CACNA1S: variants seen among roughly 807,000 people sequenced by gnomAD.
CACNA1S encodes calcium voltage-gated channel subunit alpha1 S, also known as voltage-dependent L-type calcium channel subunit alpha-1S.
CACNA1S carries 126 observed loss-of-function variants against 207.4 expected under a neutral mutation model. That is an observed-to-expected ratio of 0.61 (90% CI 0.53 to 0.70). The LOEUF (loss-of-function observed/expected upper bound fraction) is 0.70, where lower values mean the gene tolerates loss of function less well. Ranked by LOEUF, CACNA1S falls within the 30% of genes least tolerant of loss-of-function variation. The probability of loss-of-function intolerance (pLI) is 0.00; values close to 1 mark genes in which losing one functional copy is unlikely to be tolerated. For synonymous variants in CACNA1S, 960 were observed against 932.7 expected, an observed-to-expected ratio of 1.03 and a Z score of -0.53; for missense variants, 2,349 against 2,422.8, an observed-to-expected ratio of 0.97 and a Z score of 0.64.
chr1:201,055,582 AT>A (rs1466273362), intron 28 of CACNA1S, among the ~76,000 whole-genome samples: 3 of 152,188 alleles, frequency 2.0e-5, no homozygotes, highest in Non-Finnish European at 4.4e-5. Context: ...AAAACCAGAA[AT>A]TTGGTTCCTC....
At chr1:201,040,514 G>C in intron 42 of CACNA1S, 108 bp downstream of exon 42, 1 of 1,402,328 alleles carries the variant, frequency 7.1e-7, no homozygotes, top group South Asian at 1.2e-5. Flanking sequence ...CTTCTGTACT[G>C]TTGGACACAT....
Position 201,077,077 on chromosome 1 carries a change from C to A in CACNA1S, c.1670G>T (p.Arg557Leu). 2 of 1,614,172 alleles carry A rather than the reference C, an allele frequency of 1.2e-6. No homozygotes were observed. Among genetic ancestry groups the A allele is most frequent in the Non-Finnish European group, 1.7e-6 (2 of 1,180,032 alleles). ...NLVASLLNSI[R>L]SIASLLLLLF... Reference sequence around the variant, plus strand: ...CAGCAGCAGCAGGGAGGCGATGGAGCGGATGGAGTTGAGCAGGGATGCCAC... The same window carrying A: ...CAGCAGCAGCAGGGAGGCGATGGAGAGGATGGAGTTGAGCAGGGATGCCAC... The change falls in exon 12 of 44, where the codon CGC becomes CTC. Residue 557 changes from arginine to leucine, a missense_variant. Coordinates refer to ENST00000362061, the MANE Select transcript of CACNA1S (RefSeq NM_000069.3).
intron 9 of CACNA1S, among the ~76,000 whole-genome samples, chr1:201,084,399 T>G (rs1193977561): frequency 6.6e-6 from 1 of 152,202 alleles, no homozygotes; most frequent in Non-Finnish European, 1.5e-5. Context: ...ACTGGAGACC[T>G]TCATCTTTTC....
intron 2 of CACNA1S, among the ~76,000 whole-genome samples, chr1:201,096,555 G>A (rs1434343233): frequency 6.6e-6 from 1 of 152,212 alleles, no homozygotes; most frequent in African/African-American, 2.4e-5. Context: ...CTAATTTCCT[G>A]TGACACCCCC....
rs186279844 is a variant in CACNA1S at position 201,089,614 on chromosome 1, C to T, written c.695-151G>A. On this transcript the variant is annotated intron_variant, in intron 5 of 43. Coordinates refer to ENST00000362061, the MANE Select transcript of CACNA1S (RefSeq NM_000069.3). The stretch of plus-strand genomic sequence containing the variant: ...AAAAGACAGCTTCACATGGAGCAGA[C>T]GGTGACAGTGAAGAGGAATGCCTTG... 4.2e-5 allele frequency: 33 copies of T among 782,838 alleles called. 1 individual carries two copies. The highest frequency in any genetic ancestry group is 1.0e-4 in the Admixed American group (5 of 48,910). The allele number at this position is 782,838 out of a possible 1,614,324, so 48.5% of individuals were successfully genotyped here. A position where few individuals can be genotyped will look rare whatever the true frequency, so the allele number is the denominator to read the frequency against.
Position 201,093,897 on chromosome 1 carries a change from G to C in CACNA1S, c.383C>G (p.Thr128Ser), listed in dbSNP as rs139491817. 638 of 1,614,168 alleles carry C rather than the reference G, an allele frequency of 4.0e-4. 4 individuals carry two copies. In the African/African-American group the frequency reaches 7.6e-3, roughly 19 times the overall value. The stretch of plus-strand genomic sequence containing the variant: ...CAGCTCTCACCCCAGGAAGACAATG[G>C]TGAAGTCCAGCACATTCCAGCCACT... ...LRSGWNVLDF[T>S]IVFLGVFTVI... is the part of the protein sequence containing the mutation. Residue 128 changes from threonine to serine, a missense_variant, in exon 3 of 44, where the codon ACC becomes AGC. By Grantham distance (58) the Thr-to-Ser change is moderately conservative (BLOSUM62 1). Coordinates refer to ENST00000362061, the MANE Select transcript of CACNA1S (RefSeq NM_000069.3).
intron 10 of CACNA1S, among the ~76,000 whole-genome samples, chr1:201,078,843 C>A (rs1166238186): frequency 6.6e-6 from 1 of 152,108 alleles, no homozygotes; most frequent in Non-Finnish European, 1.5e-5. Context: ...AAAGTCTAGG[C>A]CGAGCGCAGT....
Position 201,076,950 on chromosome 1 carries a change from G to C in CACNA1S, c.1797C>G (p.Asn599Lys). ...DTEVRRSNFD[N>K]FPQALISVFQ... The stretch of plus-strand genomic sequence containing the variant: ...AGACGCTGATGAGGGCTTGGGGAAA[G>C]TTGTCAAAGTTGCTGCGCCGTACTT... Residue 599 changes from asparagine (N) to lysine (K), a missense_variant, in exon 12 of 44, where the codon AAC becomes AAG. Asn to Lys is a moderately conservative substitution (Grantham distance 94). Transcript: ENST00000362061. The C allele has an allele frequency of 6.2e-7, 1 of 1,614,248 alleles. No homozygotes were observed. The highest frequency in any genetic ancestry group is 8.5e-7 in the Non-Finnish European group (1 of 1,180,042).
chr1:201,051,300 T>G (rs945007929), intron 32 of CACNA1S, among the ~76,000 whole-genome samples, 157 bp from the exon 33 acceptor site: 1 of 152,222 alleles, frequency 6.6e-6, no homozygotes, highest in Non-Finnish European at 1.5e-5. Context: ...TGTAGCTCAG[T>G]GTGAGCTGGG....
intron 2 of CACNA1S, among the ~76,000 whole-genome samples, chr1:201,101,954 T>G (rs544090400): frequency 1.4e-4 from 22 of 151,760 alleles, no homozygotes; most frequent in African/African-American, 5.3e-4. Flanking sequence ...TATGTTGAGA[T>G]GAAGCCCTCA....
rs758909185 is a variant in CACNA1S at position 201,048,684 on chromosome 1, G to T, written c.4339C>A (p.Arg1447=). ...KFCPHRVACK[R]LVGMNMPLNS... is the part of the protein sequence containing the mutation. ...AGGGGCATGTTCATGCCCACCAGCCGCTGTACAGGGAGACGCAGTGGCCTG... is the reference window on the plus strand; with the variant it reads ...AGGGGCATGTTCATGCCCACCAGCCTCTGTACAGGGAGACGCAGTGGCCTG... The change falls in exon 36 of 44, where the codon CGG becomes AGG. Residue 1447 remains arginine (R), a splice_region_variant and synonymous_variant. Coordinates refer to ENST00000362061, the MANE Select transcript of CACNA1S (RefSeq NM_000069.3). 5.6e-6 allele frequency: 9 copies of T among 1,612,134 alleles called. No homozygotes were observed. Among genetic ancestry groups the T allele is most frequent in the Non-Finnish European group, 7.6e-6 (9 of 1,178,894 alleles).
At position 201,049,772 on chromosome 1, in the gene CACNA1S, G is replaced by A. The variant is rs1244481111; in HGVS notation, c.4241+617C>T. 5.9e-5 allele frequency among the ~76,000 whole-genome samples: 9 copies of A among 152,272 alleles called. No homozygotes were observed. In the East Asian group the frequency reaches 1.5e-3, roughly 26 times the overall value. ...GTAGGTTTGGCTCCTGCTGATGGAG[G>A]CACTTTAAAGCACGGTTGCTATAGG... is the stretch of plus-strand genomic sequence containing the variant. On this transcript the variant is annotated intron_variant, in intron 34 of 43. Coordinates refer to ENST00000362061, the MANE Select transcript of CACNA1S (RefSeq NM_000069.3).
intron 14 of CACNA1S, 22 bp from the exon 15 acceptor site, chr1:201,073,664 G>A (rs1661499499): frequency 1.3e-6 from 2 of 1,593,468 alleles, no homozygotes; most frequent in Non-Finnish European, 1.7e-6. Flanking sequence ...AACCCAAAGT[G>A]GAAGCCAAAC....
At chr1:201,085,762 C>T (rs536849329) in intron 7 of CACNA1S, among the ~76,000 whole-genome samples, 181 bp from the exon 8 acceptor site, 3 of 152,036 alleles carry the variant, frequency 2.0e-5, no homozygotes, top group Admixed American at 2.0e-4. Flanking sequence ...CCTCTCACTT[C>T]CTGCTCACCC....
chr1:201,066,007 T>G lies in CACNA1S; in HGVS notation c.2746-62A>C. 1 of 1,247,176 alleles carries G rather than the reference T, an allele frequency of 8.0e-7. No homozygotes were observed. The highest frequency in any genetic ancestry group is 1.2e-5 in the South Asian group (1 of 80,244). 77.3% of individuals were successfully genotyped at this position (1,247,176 alleles called of 1,614,324 possible). A position where few individuals can be genotyped will look rare whatever the true frequency, so the allele number is the denominator to read the frequency against. ...CCCACAGTAACCCTGCTAGCCCAGT[T>G]GAGGAAACCCCAGGAGTGCAAGACT... On this transcript the variant is annotated intron_variant, in intron 21 of 43. Coordinates refer to ENST00000362061, the MANE Select transcript of CACNA1S (RefSeq NM_000069.3). This position sits in a 1 kb window ranked among gnomAD's most constrained non-coding sequence, Gnocchi z 4.3.
Position 201,089,291 on chromosome 1 carries a change from A to G in CACNA1S, c.867T>C (p.Ile289=), listed in dbSNP as rs1572059982. Residue 289 remains isoleucine (I), a synonymous_variant, in exon 6 of 44, where the codon ATT becomes ATC. Coordinates refer to ENST00000362061, the MANE Select transcript of CACNA1S (RefSeq NM_000069.3). ...GFSMLTVYQC[I]TMEGWTDVLY... Reference sequence around the variant, plus strand: ...GGACGTCAGTCCATCCCTCCATGGTAATGCACTGGTACACGGTGAGCATGG... The same window carrying G: ...GGACGTCAGTCCATCCCTCCATGGTGATGCACTGGTACACGGTGAGCATGG... 6.2e-7 allele frequency: 1 copy of G among 1,614,216 alleles called. No individual in the cohort carries two copies. Among genetic ancestry groups the G allele is most frequent in the Non-Finnish European group, 8.5e-7 (1 of 1,180,040 alleles).
At chr1:201,052,294 G>T (rs1032160392) in intron 32 of CACNA1S, among the ~76,000 whole-genome samples, 13 of 152,206 alleles carry the variant, frequency 8.5e-5, no homozygotes, top group Non-Finnish European at 1.3e-4. Context: ...GGGATGAGAT[G>T]GGAGGAAAAT....
intron 37 of CACNA1S, 34 bp from the exon 38 acceptor site, chr1:201,047,273 C>G: frequency 1.9e-6 from 3 of 1,614,066 alleles, no homozygotes; most frequent in Non-Finnish European, 2.5e-6. Context: ...GCCCTGAAGG[C>G]TAGTGGGAAT....
intron 38 of CACNA1S, among the ~76,000 whole-genome samples, chr1:201,045,436 G>C (rs552226329): frequency 6.6e-6 from 1 of 152,248 alleles, no homozygotes; most frequent in East Asian, 1.9e-4. Flanking sequence ...CTGAGGATTA[G>C]AATGTAGTAA....
Sources: allele counts gnomAD v4.1 joint callset (sites outside exome capture counted in the v4.1 genomes callset), GRCh38; gene constraint gnomAD v4.1.1; non-coding constraint Gnocchi (gnomAD v3.1); transcripts MANE v1.5; gene names NCBI Gene and HGNC (gene_info 2026-07-23, HGNC 2026-07-21).